MARCHF1: variants seen among roughly 807,000 people sequenced by gnomAD.
MARCHF1 encodes membrane associated ring-CH-type finger 1.
A neutral mutation model predicts 54.2 loss-of-function variants in MARCHF1; 40 were observed. The observed-to-expected ratio is 0.74, with a 90% confidence interval of 0.57 to 0.96. The LOEUF is 0.96. MARCHF1 is among the 40% of genes least tolerant of loss of function. MARCHF1 has a pLI of 0.00. For synonymous variants in MARCHF1, 236 were observed against 236.3 expected, an observed-to-expected ratio of 1.00 and a Z score of 0.01; for missense variants, 586 against 656.5, an observed-to-expected ratio of 0.89 and a Z score of 1.17.
In MARCHF1 at chr4:163,525,359, A is replaced by G. The variant is rs1738064854; in HGVS notation, c.*3389T>C. On this transcript the variant is annotated 3_prime_UTR_variant, in exon 10 of 10. Transcript: ENST00000514618. Reference sequence around the variant, plus strand: ...TGGGACTATAATCACGTGTAGAAGCAGCGCAGAGTGAGATTTAATGCTGGG... The same window carrying G: ...TGGGACTATAATCACGTGTAGAAGCGGCGCAGAGTGAGATTTAATGCTGGG... 6.6e-6 allele frequency: 1 copy of G among 152,282 alleles called. No individual in the cohort carries two copies. Among genetic ancestry groups the G allele is most frequent in the South Asian group, 2.1e-4 (1 of 4,834 alleles). 9.4% of individuals were successfully genotyped at this position (152,282 alleles called of 1,614,324 possible).
At chr4:164,024,314 A>G (rs929368754) in intron 2 of MARCHF1, among the ~76,000 whole-genome samples, 1 of 152,184 alleles carries the variant, frequency 6.6e-6, no homozygotes, top group Non-Finnish European at 1.5e-5. Context: ...GTGAAAGAAA[A>G]AAAATCTTAA....
chr4:164,184,384 C>T (rs1263093773), intron 1 of MARCHF1, among the ~76,000 whole-genome samples: 1 of 152,112 alleles, frequency 6.6e-6, no homozygotes, highest in East Asian at 1.9e-4. Context: ...TCCATATCAC[C>T]TATTTGGTGA....
intron 1 of MARCHF1, among the ~76,000 whole-genome samples, chr4:164,338,515 T>C (rs1729823786): frequency 6.6e-6 from 1 of 152,170 alleles, no homozygotes; most frequent in African/African-American, 2.4e-5. Flanking sequence ...CAACTATATG[T>C]TGCCTACAAG....
chr4:163,568,647 G>A (rs964265300), intron 8 of MARCHF1, among the ~76,000 whole-genome samples: 13 of 152,138 alleles, frequency 8.5e-5, no homozygotes, highest in Non-Finnish European at 1.6e-4. Context: ...GGAGCTGAGT[G>A]GCTGAAGTCA....
At chr4:163,542,996 G>A (rs1280977376) in intron 9 of MARCHF1, among the ~76,000 whole-genome samples, 4 of 152,302 alleles carry the variant, frequency 2.6e-5, no homozygotes, top group Admixed American at 1.3e-4. Flanking sequence ...GTTTTACAGA[G>A]AGAGGAAAGC....
At chr4:164,353,885 AAGAG>A (rs1375568034) in intron 1 of MARCHF1, among the ~76,000 whole-genome samples, 1 of 135,044 alleles carries the variant, frequency 7.4e-6, no homozygotes, top group Non-Finnish European at 1.6e-5. Context: ...TAAAGAAAAA[AAGAG>A]AGAAGAATCA....
Position 164,247,464 on chromosome 4 carries a change from CG to C in MARCHF1, c.-322-135803del, listed in dbSNP as rs1308814746. Among the ~76,000 whole-genome samples the C allele has an allele frequency of 4.6e-5, 7 of 151,148 alleles. No individual in the cohort carries two copies. In the East Asian group the frequency reaches 9.8e-4, roughly 21 times the overall value. ...ACACTCTGGTGACTGTTGTGGGGTGCGGGGAGAGGGGAGGGATAGCATTGGG... is the reference window on the plus strand; with the variant it reads ...ACACTCTGGTGACTGTTGTGGGGTGCGGGAGAGGGGAGGGATAGCATTGGG... On this transcript the variant is annotated intron_variant, in intron 1 of 9. Coordinates refer to ENST00000514618, the MANE Select transcript of MARCHF1 (RefSeq NM_001394959.1).
intron 1 of MARCHF1, among the ~76,000 whole-genome samples, chr4:164,373,626 A>G (rs1731101725): frequency 6.6e-6 from 1 of 152,108 alleles, no homozygotes; most frequent in African/African-American, 2.4e-5. Flanking sequence ...AAGTGCTAAG[A>G]TTACAGGCGT....
intron 1 of MARCHF1, among the ~76,000 whole-genome samples, chr4:164,271,707 A>T (rs976598984): frequency 6.6e-6 from 1 of 152,162 alleles, no homozygotes; most frequent in African/African-American, 2.4e-5. Flanking sequence ...GAATTCCAGG[A>T]AAATACTTAA....
chr4:163,629,082 C>G (rs190606501), intron 5 of MARCHF1, among the ~76,000 whole-genome samples: 1 of 152,186 alleles, frequency 6.6e-6, no homozygotes, highest in South Asian at 2.1e-4. Context: ...AAAAAAGAAC[C>G]CATATAGACA....
intron 3 of MARCHF1, among the ~76,000 whole-genome samples, chr4:163,909,433 C>T (rs1751143057): frequency 6.6e-6 from 1 of 152,090 alleles, no homozygotes; most frequent in Admixed American, 6.6e-5. Context: ...ATGTTTAATC[C>T]ATACTCATAT....
At chr4:164,011,368 A>G (rs774689838) in intron 2 of MARCHF1, among the ~76,000 whole-genome samples, 1 of 133,544 alleles carries the variant, frequency 7.5e-6, no homozygotes, top group Non-Finnish European at 1.6e-5. Flanking sequence ...CAAACTGTAT[A>G]CCTGACAAGT....
chr4:163,777,718 C>G (rs1029977816), intron 4 of MARCHF1, among the ~76,000 whole-genome samples: 1 of 152,078 alleles, frequency 6.6e-6, no homozygotes, highest in African/African-American at 2.4e-5. Context: ...AATACTTTTA[C>G]TTAATGTTTA....
chr4:164,365,514 T>G (rs1180429513), intron 1 of MARCHF1, among the ~76,000 whole-genome samples: 2 of 151,960 alleles, frequency 1.3e-5, no homozygotes, highest in Non-Finnish European at 2.9e-5. Context: ...AAAACAAAAT[T>G]TAGCACAGAT....
At chr4:164,163,877 G>C (rs1041139717) in intron 1 of MARCHF1, among the ~76,000 whole-genome samples, 2 of 151,874 alleles carry the variant, frequency 1.3e-5, no homozygotes, top group African/African-American at 4.8e-5. Context: ...GTAATAGAAA[G>C]TATGTTCTCA....
At chr4:163,618,303 T>A (rs1560977338) in intron 5 of MARCHF1, among the ~76,000 whole-genome samples, 1 of 152,244 alleles carries the variant, frequency 6.6e-6, no homozygotes, top group South Asian at 2.1e-4. Flanking sequence ...TTGTTCCATG[T>A]GCTTTTGCTT....
chr4:164,283,959 T>C (rs1734084956), intron 1 of MARCHF1, among the ~76,000 whole-genome samples: 2 of 151,010 alleles, frequency 1.3e-5, no homozygotes, highest in Admixed American at 6.7e-5. Flanking sequence ...TTATTAAATG[T>C]CAAATGGTAC....
chr4:164,248,044 T>C (rs1483950986), intron 1 of MARCHF1, among the ~76,000 whole-genome samples: 2 of 151,700 alleles, frequency 1.3e-5, no homozygotes, highest in Non-Finnish European at 2.9e-5. Context: ...AATATCACAT[T>C]CTTAAAGATT....
At chr4:164,155,506 T>C (rs6811960) in intron 1 of MARCHF1, among the ~76,000 whole-genome samples, 139,481 of 152,256 alleles carry the variant, frequency 0.92, 64,185 homozygotes, top group African/African-American at 0.97. Flanking sequence ...TGTTCTCTAG[T>C]CTTGGTTCTC....
Sources: allele counts gnomAD v4.1 joint callset (sites outside exome capture counted in the v4.1 genomes callset), GRCh38; gene constraint gnomAD v4.1.1; transcripts MANE v1.5; gene names NCBI Gene and HGNC (gene_info 2026-07-23, HGNC 2026-07-21).